Variants in KCTD1 observed in about 807,000 individuals in gnomAD.
KCTD1 encodes the protein potassium channel tetramerization domain containing 1, also known as BTB/POZ domain-containing protein KCTD1.
KCTD1 carries 24 observed loss-of-function variants against 66.0 expected under a neutral mutation model. The ratio of observed to expected loss-of-function variants is 0.36; its 90% CI spans 0.26 to 0.51. The LOEUF (loss-of-function observed/expected upper bound fraction) is 0.51, where lower values mean the gene tolerates loss of function less well. KCTD1 is among the 20% of genes least tolerant of loss of function. The pLI is 0.95. For missense variants in KCTD1, 943 were observed against 1,205.2 expected (o/e 0.78, Z 3.22); for synonymous variants, 511 against 517.2 (o/e 0.99, Z 0.16).
intron 1 of KCTD1, among the ~76,000 whole-genome samples, chr18:26,519,455 C>G (rs758178868): frequency 3.9e-5 from 6 of 152,154 alleles, no homozygotes; most frequent in Non-Finnish European, 8.8e-5. Flanking sequence ...TTTGAAAATG[C>G]TCTGGTCTTC....
intron 1 of KCTD1, among the ~76,000 whole-genome samples, chr18:26,532,386 C>T (rs1304202106): frequency 1.3e-5 from 2 of 151,154 alleles, no homozygotes; most frequent in African/African-American, 4.9e-5. Context: ...CCTCCTGCCT[C>T]CAGGGTAGCT....
intron 2 of KCTD1, among the ~76,000 whole-genome samples, chr18:26,492,063 GA>G (rs1333227457): frequency 6.6e-6 from 1 of 152,154 alleles, no homozygotes; most frequent in East Asian, 1.9e-4. Flanking sequence ...GTAACAAAGT[GA>G]GACCTCGTCT....
At chr18:26,637,614 G>A (rs1287851798) in intron 1 of KCTD1, among the ~76,000 whole-genome samples, 1 of 152,196 alleles carries the variant, frequency 6.6e-6, no homozygotes, top group Non-Finnish European at 1.5e-5. Context: ...TAGCCCTGTC[G>A]CTTCAGTGGG....
chr18:26,460,197 T>C (rs1256736511), intron 3 of KCTD1, among the ~76,000 whole-genome samples: 1 of 152,212 alleles, frequency 6.6e-6, no homozygotes, highest in African/African-American at 2.4e-5. Context: ...CCCTCGTCAA[T>C]GCCCAGTGAA....
At chr18:26,568,214 G>A (rs1292130635) in intron 1 of KCTD1, among the ~76,000 whole-genome samples, 1 of 151,890 alleles carries the variant, frequency 6.6e-6, no homozygotes, top group Non-Finnish European at 1.5e-5. Flanking sequence ...AAATGGATCA[G>A]CTCATACAAT....
intron 2 of KCTD1, among the ~76,000 whole-genome samples, chr18:26,495,894 C>T (rs1213182007): frequency 6.6e-6 from 1 of 152,034 alleles, no homozygotes; most frequent in Non-Finnish European, 1.5e-5. Context: ...TCTGAATAAC[C>T]ATCAATACAG....
chr18:26,546,931 G>C lies in KCTD1; in HGVS notation c.1606C>G (p.Leu536Val). 6.8e-7 allele frequency: 1 copy of C among 1,475,630 alleles called. No individual in the cohort carries two copies. The highest frequency in any genetic ancestry group is 9.0e-7 in the Non-Finnish European group (1 of 1,110,270). The allele number at this position is 1,475,630 out of a possible 1,614,324, so 91.4% of individuals were successfully genotyped here. ...CCCGACCCGAACACAGACTCGTACA[G>C]GGCGCGCTTGGGCGCAGCCTCGGAT... ...VKSEAAPKRA[L>V]YESVFGSGEI... Residue 536 changes from leucine (L) to valine (V), a missense_variant, in exon 1 of 5, where the codon CTG becomes GTG. Around this residue, in one of 10 missense-constraint regions of KCTD1, gnomAD observed 197 missense variants for 182.7 expected, o/e 1.08. Coordinates refer to ENST00000580059, the MANE Select transcript of KCTD1 (RefSeq NM_001142730.3).
chr18:26,549,295 C>G (rs567809356), upstream of KCTD1: 1 of 985,686 alleles, frequency 1.0e-6, no homozygotes, highest in Non-Finnish European at 1.2e-6. Context: ...GCTCCCAACT[C>G]CCTTTCCGAC....
chr18:26,571,295 G>A (rs1371208101), intron 1 of KCTD1, among the ~76,000 whole-genome samples: 1 of 152,136 alleles, frequency 6.6e-6, no homozygotes, highest in African/African-American at 2.4e-5. Context: ...AATTCTCCAA[G>A]CTTTGGAAAA....
intron 3 of KCTD1, among the ~76,000 whole-genome samples, chr18:26,463,004 C>T (rs1433280440): frequency 6.6e-6 from 1 of 152,182 alleles, no homozygotes; most frequent in Admixed American, 6.5e-5. Flanking sequence ...TATGGGGCAG[C>T]AGCAGGTTCA....
At chr18:26,641,226 ACGTTTCC>A (rs1987827724), upstream of KCTD1, among the ~76,000 whole-genome samples, 1 of 151,996 alleles carries the variant, frequency 6.6e-6, no homozygotes, top group African/African-American at 2.4e-5. Flanking sequence ...GTCATTTACC[ACGTTTCC>A]CCCAAGATTC....
At chr18:26,643,391 T>C (rs1032126615), upstream of KCTD1, among the ~76,000 whole-genome samples, 7 of 152,192 alleles carry the variant, frequency 4.6e-5, no homozygotes, top group Middle Eastern at 3.4e-3. Flanking sequence ...CACAAAAAGA[T>C]GCGTTGTTCA....
chr18:26,626,779 G>A (rs541844530), intron 1 of KCTD1, among the ~76,000 whole-genome samples: 3 of 152,126 alleles, frequency 2.0e-5, no homozygotes, highest in Non-Finnish European at 4.4e-5. Context: ...CCAGCAGGAA[G>A]TAATATTTAA....
At chr18:26,471,928 G>A (rs536016752) in intron 3 of KCTD1, among the ~76,000 whole-genome samples, 1 of 152,298 alleles carries the variant, frequency 6.6e-6, no homozygotes, top group Admixed American at 6.5e-5. Context: ...GAGGTGGGAT[G>A]AGGGTAGTGG....
chr18:26,596,417 G>A (rs771000219), intron 1 of KCTD1, among the ~76,000 whole-genome samples: 4 of 152,194 alleles, frequency 2.6e-5, no homozygotes, highest in African/African-American at 7.2e-5. Context: ...CCATCCTCTA[G>A]AACTGTAAGA....
At chr18:26,516,095 GAAGA>G (rs2144734089) in intron 1 of KCTD1, among the ~76,000 whole-genome samples, 1 of 152,216 alleles carries the variant, frequency 6.6e-6, no homozygotes, top group African/African-American at 2.4e-5. Flanking sequence ...CAAGAAGTGA[GAAGA>G]AAGGGAAGGG....
intron 1 of KCTD1, among the ~76,000 whole-genome samples, chr18:26,648,199 G>A (rs1195792918): frequency 6.6e-6 from 1 of 152,124 alleles, no homozygotes; most frequent in African/African-American, 2.4e-5. Flanking sequence ...GTGACTCTTA[G>A]GAGGAGAAAG....
intron 1 of KCTD1, among the ~76,000 whole-genome samples, chr18:26,584,237 G>C (rs1049669343): frequency 5.3e-5 from 8 of 152,152 alleles, no homozygotes; most frequent in African/African-American, 1.9e-4. Context: ...AGTAGCCACT[G>C]GCCATGAAAT....
chr18:26,508,292 C>A (rs1983151914), intron 1 of KCTD1, among the ~76,000 whole-genome samples: 1 of 152,180 alleles, frequency 6.6e-6, no homozygotes, highest in South Asian at 2.1e-4. Flanking sequence ...ACCTACCCAA[C>A]AGAGGAGCAA....
Sources: gnomAD v4.1 joint callset for allele counts (sites outside exome capture counted in the v4.1 genomes callset) on GRCh38, gnomAD v4.1.1 for gene constraint, gnomAD v4.1.1 regional missense constraint, MANE v1.5 for transcripts, NCBI Gene and HGNC (gene_info 2026-07-23, HGNC 2026-07-21) for gene names.